Variants in RIMS1 observed in about 807,000 individuals in gnomAD.
RIMS1 encodes the protein regulating synaptic membrane exocytosis 1, also known as regulating synaptic membrane exocytosis protein 1.
A neutral mutation model predicts 214.1 loss-of-function variants in RIMS1; 83 were observed. The observed-to-expected ratio is 0.39, with a 90% CI of 0.32 to 0.47. The LOEUF (loss-of-function observed/expected upper bound fraction) is 0.47, where lower values mean the gene tolerates loss of function less well. Among genes scored for constraint, RIMS1 ranks in the 20% least tolerant of loss-of-function variants. RIMS1 has a pLI of 0.99. For synonymous variants in RIMS1, 793 were observed against 786.8 expected, an observed-to-expected ratio of 1.01 and a Z score of -0.13; for missense variants, 2,050 against 2,161.8, an observed-to-expected ratio of 0.95 and a Z score of 1.03.
intron 28 of RIMS1, among the ~76,000 whole-genome samples, chr6:72,327,573 C>G (rs2096522779): frequency 6.6e-6 from 1 of 151,710 alleles, no homozygotes; most frequent in South Asian, 2.1e-4. Context: ...TCTAGTTTAC[C>G]TGTATTTAAA....
chr6:72,038,342 T>C (rs1189498747), intron 2 of RIMS1, among the ~76,000 whole-genome samples: 2 of 151,676 alleles, frequency 1.3e-5, no homozygotes, highest in Non-Finnish European at 2.9e-5. Flanking sequence ...TGGTAATTTG[T>C]AAACACTGTC....
At chr6:72,265,583 T>C in intron 21 of RIMS1, 80 bp downstream of exon 21, 2 of 764,450 alleles carry the variant, frequency 2.6e-6, no homozygotes, top group Admixed American at 4.7e-5. Context: ...TAAAATTATT[T>C]CTCCTCTGAT....
intron 19 of RIMS1, chr6:72,261,150 T>A: frequency 9.7e-7 from 1 of 1,033,784 alleles, no homozygotes; most frequent in Non-Finnish European, 1.2e-6. Context: ...AGTGTCATTG[T>A]TTCATAATTG....
chr6:72,207,541 A>T lies in RIMS1; in HGVS notation c.1678+24392A>T, dbSNP rs540112808. 8.5e-5 allele frequency among the ~76,000 whole-genome samples: 13 copies of T among 152,302 alleles called. No homozygotes were observed. In the South Asian group the frequency reaches 2.7e-3, roughly 32 times the overall value. Reference sequence around the variant, plus strand: ...AGCAACTAGGTGTGTGGGCAATAGGATGATAAAGAAGGCACTATTACTTCA... The same window carrying T: ...AGCAACTAGGTGTGTGGGCAATAGGTTGATAAAGAAGGCACTATTACTTCA... On this transcript the variant is annotated intron_variant, in intron 6 of 33. Transcript: ENST00000521978.
At chr6:72,057,748 C>T (rs112450995) in intron 2 of RIMS1, among the ~76,000 whole-genome samples, 11,997 of 152,180 alleles carry the variant, frequency 0.079, 520 homozygotes, top group African/African-American at 0.098. Flanking sequence ...ACTTCGTGAT[C>T]TGCCCGTCTC....
chr6:72,051,982 A>G (rs1824831314), intron 2 of RIMS1, among the ~76,000 whole-genome samples: 1 of 152,202 alleles, frequency 6.6e-6, no homozygotes, highest in South Asian at 2.1e-4. Flanking sequence ...GTGGAAACAA[A>G]TGAATAATTT....
intron 1 of RIMS1, among the ~76,000 whole-genome samples, chr6:71,894,804 G>A (rs542769903): frequency 1.3e-5 from 2 of 152,214 alleles, no homozygotes; most frequent in South Asian, 4.2e-4. Context: ...ATAAGGTAAT[G>A]TTATAGAAAG....
intron 2 of RIMS1, among the ~76,000 whole-genome samples, chr6:71,999,165 TTTTA>T (rs1305751317): frequency 6.6e-6 from 1 of 152,160 alleles, no homozygotes; most frequent in Admixed American, 6.6e-5. Flanking sequence ...AAATACATAA[TTTTA>T]TTTGTCTGTT....
chr6:71,922,679 G>A (rs1780375114), intron 1 of RIMS1, among the ~76,000 whole-genome samples: 1 of 152,184 alleles, frequency 6.6e-6, no homozygotes, highest in Admixed American at 6.5e-5. Context: ...AAAAAAGGAG[G>A]AGGAAGAAGA....
chr6:72,364,897 C>T (rs1402028292), intron 29 of RIMS1, among the ~76,000 whole-genome samples: 1 of 152,164 alleles, frequency 6.6e-6, no homozygotes, highest in African/African-American at 2.4e-5. Context: ...TTCTTCAGGC[C>T]TGCTTTCCTT....
At chr6:72,197,004 A>G (rs1245087182) in intron 6 of RIMS1, among the ~76,000 whole-genome samples, 1 of 152,064 alleles carries the variant, frequency 6.6e-6, no homozygotes, top group African/African-American at 2.4e-5. Flanking sequence ...TGCCTTGCAC[A>G]CACTAAAGGC....
Position 72,402,999 on chromosome 6 carries a change from T to A in RIMS1, c.*2285T>A, listed in dbSNP as rs548178826. On this transcript the variant is annotated 3_prime_UTR_variant, in exon 34 of 34. Transcript: ENST00000521978. Reference sequence around the variant, plus strand: ...GGTACTTTGCATCACATACAAGTTTTCACTTCGTCAGCCTGTCTAAGTGAG... The same window carrying A: ...GGTACTTTGCATCACATACAAGTTTACACTTCGTCAGCCTGTCTAAGTGAG... 2 of 152,538 alleles carry A rather than the reference T, an allele frequency of 1.3e-5. No individual in the cohort carries two copies. Among genetic ancestry groups the A allele is most frequent in the African/African-American group, 4.8e-5 (2 of 41,568 alleles). 9.4% of individuals were successfully genotyped at this position (152,538 alleles called of 1,614,324 possible).
chr6:72,218,361 A>G (rs900171952), intron 6 of RIMS1, among the ~76,000 whole-genome samples: 3 of 152,152 alleles, frequency 2.0e-5, no homozygotes, highest in Admixed American at 6.5e-5. Flanking sequence ...TGCTGAGGGC[A>G]GCTGAAGAGA....
At chr6:72,355,890 G>C (rs565268110) in intron 29 of RIMS1, among the ~76,000 whole-genome samples, 1 of 152,042 alleles carries the variant, frequency 6.6e-6, no homozygotes, top group Non-Finnish European at 1.5e-5. Context: ...CACTTTTGAC[G>C]TTTCTGTGAT....
chr6:72,259,872 T>C (rs2077246463), intron 18 of RIMS1, among the ~76,000 whole-genome samples: 1 of 152,136 alleles, frequency 6.6e-6, no homozygotes, highest in Non-Finnish European at 1.5e-5. Context: ...ATGGAGAAAC[T>C]TTCAGTGAGG....
At chr6:72,124,146 G>T (rs1158148151) in intron 4 of RIMS1, among the ~76,000 whole-genome samples, 1 of 151,800 alleles carries the variant, frequency 6.6e-6, no homozygotes, top group Non-Finnish European at 1.5e-5. Context: ...CTTCCTTCAG[G>T]AGCTCTTTTA....
intron 2 of RIMS1, among the ~76,000 whole-genome samples, chr6:72,046,142 C>G (rs1822960597): frequency 6.6e-6 from 1 of 152,034 alleles, no homozygotes; most frequent in South Asian, 2.1e-4. Context: ...TTATGTGTCT[C>G]TTTTGAACTC....
intron 4 of RIMS1, among the ~76,000 whole-genome samples, chr6:72,155,042 G>A (rs2463708): frequency 0.78 from 107,271 of 137,522 alleles, 45,700 homozygotes; most frequent in East Asian, 1. Flanking sequence ...CCCTCTCATG[G>A]GCACCCCAAA....
At chr6:72,360,775 C>T (rs181686706) in intron 29 of RIMS1, among the ~76,000 whole-genome samples, 5 of 149,680 alleles carry the variant, frequency 3.3e-5, no homozygotes, top group East Asian at 1.9e-4. Flanking sequence ...GGAAAAAAGA[C>T]GGCGTTTTAT....
Sources: gnomAD v4.1 joint callset for allele counts (sites outside exome capture counted in the v4.1 genomes callset) on GRCh38, gnomAD v4.1.1 for gene constraint, MANE v1.5 for transcripts, NCBI Gene and HGNC (gene_info 2026-07-23, HGNC 2026-07-21) for gene names.